SEC14L1: variants seen among roughly 807,000 people sequenced by gnomAD.
SEC14L1 encodes the protein SEC14-like protein 1.
Under a neutral mutation model 85.3 loss-of-function variants are expected in SEC14L1, and 48 were observed. The ratio of observed to expected loss-of-function variants is 0.56; its 90% confidence interval spans 0.45 to 0.72. The LOEUF (loss-of-function observed/expected upper bound fraction) is 0.72, where lower values mean the gene tolerates loss of function less well. SEC14L1 is among the 30% of genes least tolerant of loss of function. The probability of loss-of-function intolerance (pLI) is 0.00; values close to 1 mark genes in which losing one functional copy is unlikely to be tolerated. For synonymous variants in SEC14L1, 391 were observed against 355.5 expected (o/e 1.10, Z -1.12); for missense variants, 682 against 921.4 (o/e 0.74, Z 3.36).
upstream of SEC14L1, chr17:77,140,655 G>C (rs889025998): frequency 1.3e-5 from 2 of 152,346 alleles, no homozygotes; most frequent in Admixed American, 6.6e-5. Context: ...CCCGCTACTC[G>C]CGAAGCCCAG....
At chr17:77,116,156 G>A (rs1247379938) in intron 3 of SEC14L1, among the ~76,000 whole-genome samples, 1 of 152,132 alleles carries the variant, frequency 6.6e-6, no homozygotes, top group Non-Finnish European at 1.5e-5. Context: ...CTGAGCTCAA[G>A]CATTCCTCCT....
chr17:77,121,622 G>T (rs1972299888), intron 3 of SEC14L1, among the ~76,000 whole-genome samples: 1 of 152,150 alleles, frequency 6.6e-6, no homozygotes, highest in Non-Finnish European at 1.5e-5. Flanking sequence ...CTCCCAAAGT[G>T]CTGGGATTAC....
At chr17:77,148,125 T>TC (rs1324102896) in intron 3 of SEC14L1, among the ~76,000 whole-genome samples, 1 of 152,002 alleles carries the variant, frequency 6.6e-6, no homozygotes, top group Non-Finnish European at 1.5e-5. Flanking sequence ...CAAGTGCATC[T>TC]CCCCCTCCCC....
intron 3 of SEC14L1, among the ~76,000 whole-genome samples, chr17:77,135,488 CTT>C (rs944115663): frequency 2.0e-5 from 3 of 152,076 alleles, no homozygotes; most frequent in Middle Eastern, 3.2e-3. Context: ...TTCTTTCTCT[CTT>C]TGTCTTTCTC....
chr17:77,215,287 G>A lies in SEC14L1; in HGVS notation c.*1264G>A, dbSNP rs1598414085. ...TTTTCAGCTTTTTATGGGAAAAGCA[G>A]GTTATTTGAGAATCTGTCCAGAAGT... On this transcript the variant is annotated 3_prime_UTR_variant, in exon 17 of 17. Coordinates refer to ENST00000436233, the MANE Select transcript of SEC14L1 (RefSeq NM_001143998.2). 1 of 985,412 alleles carries A rather than the reference G, an allele frequency of 1.0e-6. No homozygotes were observed. Among genetic ancestry groups the A allele is most frequent in the Non-Finnish European group, 1.2e-6 (1 of 829,932 alleles). The allele number at this position is 985,412 out of a possible 1,614,324, so 61.0% of individuals were successfully genotyped here. A position where few individuals can be genotyped will look rare whatever the true frequency, so the allele number is the denominator to read the frequency against.
chr17:77,169,591 A>G (rs1419176239), intron 3 of SEC14L1, among the ~76,000 whole-genome samples: 1 of 152,154 alleles, frequency 6.6e-6, no homozygotes, highest in East Asian at 1.9e-4. Context: ...CTAAGCACTA[A>G]AGTTTGTTTT....
chr17:77,191,645 T>G (rs569857591), intron 5 of SEC14L1, among the ~76,000 whole-genome samples: 34 of 152,158 alleles, frequency 2.2e-4, no homozygotes, highest in African/African-American at 7.9e-4. Flanking sequence ...CGAGTTCAAG[T>G]GATTCTCCTG....
At chr17:77,114,487 GCA>G (rs1408578040) in intron 3 of SEC14L1, among the ~76,000 whole-genome samples, 2 of 150,276 alleles carry the variant, frequency 1.3e-5, no homozygotes, top group Non-Finnish European at 3.0e-5. Context: ...TCGCGCCACT[GCA>G]CTCCAGCCTA....
At chr17:77,196,810 T>A (rs927618831) in intron 8 of SEC14L1, among the ~76,000 whole-genome samples, 4 of 152,226 alleles carry the variant, frequency 2.6e-5, no homozygotes, top group African/African-American at 9.6e-5. Context: ...GCCTGATCTC[T>A]AATTCTGTCA....
chr17:77,179,124 G>T (rs572166681), intron 3 of SEC14L1, among the ~76,000 whole-genome samples: 252 of 152,300 alleles, frequency 1.7e-3, no homozygotes, highest in Non-Finnish European at 2.9e-3. Flanking sequence ...AAGAAGCTCC[G>T]ATGGGTTGAT....
chr17:77,102,881 GACC>G (rs1350015750), intron 3 of SEC14L1, among the ~76,000 whole-genome samples: 1 of 152,074 alleles, frequency 6.6e-6, no homozygotes, highest in East Asian at 1.9e-4. Flanking sequence ...GGCTTGCTGT[GACC>G]TCGAACTCCT....
At chr17:77,106,667 A>T (rs983241584) in intron 3 of SEC14L1, among the ~76,000 whole-genome samples, 3 of 151,314 alleles carry the variant, frequency 2.0e-5, no homozygotes, top group East Asian at 2.0e-4. Context: ...TCCATCTCAA[A>T]AAATAAATAA....
At chr17:77,125,600 T>G (rs1039319269) in intron 3 of SEC14L1, among the ~76,000 whole-genome samples, 5 of 152,242 alleles carry the variant, frequency 3.3e-5, no homozygotes, top group African/African-American at 1.2e-4. Flanking sequence ...ATTCAACTGC[T>G]ATACCGGGAC....
chr17:77,148,921 A>T (rs1188107047), intron 3 of SEC14L1, among the ~76,000 whole-genome samples: 1 of 152,150 alleles, frequency 6.6e-6, no homozygotes, highest in East Asian at 1.9e-4. Flanking sequence ...ATAATTATGC[A>T]CACTTCCCAG....
intron 3 of SEC14L1, among the ~76,000 whole-genome samples, chr17:77,128,797 G>A (rs559680381): frequency 5.3e-5 from 8 of 152,208 alleles, no homozygotes; most frequent in Middle Eastern, 3.4e-3. Context: ...TGAACGTGAA[G>A]GGGTGATAGA....
chr17:77,164,350 A>G (rs1448233781), intron 3 of SEC14L1, among the ~76,000 whole-genome samples: 1 of 152,220 alleles, frequency 6.6e-6, no homozygotes, highest in Non-Finnish European at 1.5e-5. Flanking sequence ...TTCTGGTTTG[A>G]GGGAGGACTG....
rs752810717 is a variant in SEC14L1, at chr17:77,213,765, G to GGGTT, written c.2043-152_2043-149dup. 1.5e-5 allele frequency: 15 copies of GGGTT among 1,024,134 alleles called. No homozygotes were observed. The highest frequency in any genetic ancestry group is 3.2e-5 in the African/African-American group (2 of 63,414). 63.4% of individuals were successfully genotyped at this position (1,024,134 alleles called of 1,614,324 possible). A position where few individuals can be genotyped will look rare whatever the true frequency, so the allele number is the denominator to read the frequency against. ...GCTGTGGGAAGCCGGTCCCCCTGGT[G>GGGTT]GGTTACTCATGTCCATCCCCCGTTT... is the stretch of plus-strand genomic sequence containing the variant. On this transcript the variant is annotated intron_variant, in intron 16 of 16. Coordinates refer to ENST00000436233, the MANE Select transcript of SEC14L1 (RefSeq NM_001143998.2). The surrounding 1 kb of genome is among the most constrained non-coding windows in gnomAD (Gnocchi z 7.1).
At chr17:77,172,991 C>T (rs1326299967) in intron 3 of SEC14L1, among the ~76,000 whole-genome samples, 9 of 152,088 alleles carry the variant, frequency 5.9e-5, no homozygotes, top group South Asian at 2.1e-4. Flanking sequence ...AGCAGCCCTG[C>T]GAATCATGCT....
rs796710531 is a variant in SEC14L1 at position 77,133,576 on chromosome 17, C to T, written c.-135-9070C>T. Among the ~76,000 whole-genome samples, 18 of 152,234 alleles carry T rather than the reference C, an allele frequency of 1.2e-4. 1 individual carries two copies. Among genetic ancestry groups the T allele is most frequent in the East Asian group, 3.9e-4 (2 of 5,182 alleles). ...GCACCTGGTATGTGTAGCCTTTACG[C>T]GGCACCCATCAAGGCTTCCATTCAC... On this transcript the variant is annotated intron_variant, in intron 3 of 19. Coordinates refer to the SEC14L1 transcript ENST00000392476.
Sources: allele counts gnomAD v4.1 joint callset (sites outside exome capture counted in the v4.1 genomes callset), GRCh38; gene constraint gnomAD v4.1.1; non-coding constraint Gnocchi (gnomAD v3.1); transcripts MANE v1.5; gene names NCBI Gene and HGNC (gene_info 2026-07-23, HGNC 2026-07-21).